The following RNLS variants were observed in gnomAD, a reference collection of about 807,000 sequenced individuals.
RNLS encodes renalase.
A neutral mutation model predicts 39.8 loss-of-function variants in RNLS; 39 were observed. The observed-to-expected ratio is 0.98, with a 90% CI of 0.76 to 1.28. The LOEUF (loss-of-function observed/expected upper bound fraction) is 1.28. RNLS is among the 50% of genes most tolerant of loss of function. The pLI is 0.00. For missense variants in RNLS, 410 were observed against 413.3 expected (o/e 0.99, Z 0.07); for synonymous variants, 147 against 150.7 (o/e 0.98, Z 0.18).
chr10:88,479,125 C>T lies in RNLS; in HGVS notation c.526+93778G>A, dbSNP rs74147208. 1.1e-3 allele frequency among the ~76,000 whole-genome samples: 160 copies of T among 152,268 alleles called. 1 individual carries two copies. Among genetic ancestry groups the T allele is most frequent in the African/African-American group, 3.8e-3 (157 of 41,568 alleles). Reference sequence around the variant, plus strand: ...TATAGAACATTAAATATGTTTCAGTCTTGTTTCTTCTTTGTATATCCTAGC... The same window carrying T: ...TATAGAACATTAAATATGTTTCAGTTTTGTTTCTTCTTTGTATATCCTAGC... On this transcript the variant is annotated intron_variant, in intron 4 of 6. Coordinates refer to ENST00000331772, the MANE Select transcript of RNLS (RefSeq NM_001031709.3).
the RNLS span, among the ~76,000 whole-genome samples, chr10:88,198,799 A>G: frequency 6.6e-6 from 1 of 152,166 alleles, no homozygotes; most frequent in African/African-American, 2.4e-5. Flanking sequence ...CTGTGAGCCA[A>G]TTAAACCTCT....
At chr10:88,369,216 A>C (rs1850354329) in intron 4 of RNLS, among the ~76,000 whole-genome samples, 1 of 152,012 alleles carries the variant, frequency 6.6e-6, no homozygotes, top group Non-Finnish European at 1.5e-5. Flanking sequence ...CTCCCTCCCC[A>C]TGACTCTTCT....
the RNLS span, among the ~76,000 whole-genome samples, chr10:88,253,895 G>A: frequency 1.3e-5 from 2 of 152,228 alleles, no homozygotes; most frequent in South Asian, 4.1e-4. Flanking sequence ...AAAGGCTCAA[G>A]GGTTATTAAT....
At chr10:88,174,705 A>G in the RNLS span, among the ~76,000 whole-genome samples, 2 of 152,094 alleles carry the variant, frequency 1.3e-5, no homozygotes, top group Non-Finnish European at 2.9e-5. Context: ...ATCAGGCATA[A>G]TGGTCTGTTT....
At chr10:88,309,368 A>G (rs1845184278) in intron 6 of RNLS, 2 of 1,262,584 alleles carry the variant, frequency 1.6e-6, no homozygotes, top group Admixed American at 4.6e-5. Flanking sequence ...CAATGCTGAA[A>G]TTAGACACTA....
chr10:88,416,254 TTTTTA>T (rs1355911552), intron 4 of RNLS, among the ~76,000 whole-genome samples: 1 of 150,144 alleles, frequency 6.7e-6, no homozygotes, highest in East Asian at 1.9e-4. Flanking sequence ...TTTTATTTTA[TTTTTA>T]TTTATTTATT....
At position 88,549,264 on chromosome 10, in the gene RNLS, T is replaced by TA. The variant is rs1304720439; in HGVS notation, c.526+23638dup. On this transcript the variant is annotated intron_variant, in intron 4 of 6. Coordinates refer to ENST00000331772, the MANE Select transcript of RNLS (RefSeq NM_001031709.3). Reference sequence around the variant, plus strand: ...TAAAGTAAACTACAAAAAGTAAAACTAAAAAAAAAATATTTTATGGTGGCT... The same window carrying TA: ...TAAAGTAAACTACAAAAAGTAAAACTAAAAAAAAAAATATTTTATGGTGGCT... 2.8e-4 allele frequency among the ~76,000 whole-genome samples: 33 copies of TA among 117,938 alleles called. No homozygotes were observed. In the East Asian group the frequency reaches 5.2e-3, roughly 18 times the overall value. 77.4% of individuals were successfully genotyped at this position (117,938 alleles called of 152,430 possible).
chr10:88,422,929 T>A (rs940731200), intron 4 of RNLS, among the ~76,000 whole-genome samples: 4 of 152,104 alleles, frequency 2.6e-5, no homozygotes, highest in African/African-American at 9.7e-5. Context: ...GGTTTTTAAT[T>A]TTTTTAAAGA....
chr10:88,369,326 G>A (rs912174858), intron 4 of RNLS, among the ~76,000 whole-genome samples: 2 of 152,084 alleles, frequency 1.3e-5, no homozygotes, highest in Non-Finnish European at 1.5e-5. Context: ...AGGGAGACTG[G>A]CCCCTTTATG....
chr10:88,490,664 T>C (rs184454511), intron 4 of RNLS, among the ~76,000 whole-genome samples: 68 of 152,326 alleles, frequency 4.5e-4, no homozygotes, highest in Non-Finnish European at 8.1e-4. Context: ...CATTTTCATG[T>C]GCAGCCAGTT....
At chr10:88,461,070 C>T (rs574144490) in intron 4 of RNLS, among the ~76,000 whole-genome samples, 1 of 152,154 alleles carries the variant, frequency 6.6e-6, no homozygotes, top group South Asian at 2.1e-4. Flanking sequence ...AGAAACTTGC[C>T]CTGACCTCCT....
At position 88,538,904 on chromosome 10, in the gene RNLS, T is replaced by C. The variant is rs1847907492; in HGVS notation, c.526+33999A>G. Among the ~76,000 whole-genome samples the C allele has an allele frequency of 2.0e-5, 3 of 152,166 alleles. No homozygotes were observed. In the South Asian group the frequency reaches 6.2e-4, roughly 32 times the overall value. ...GGAATCACTTCTCCCCAACAGGAGGTGGCCAAATAGGGTGTCTCCCAGATT... is the reference window on the plus strand; with the variant it reads ...GGAATCACTTCTCCCCAACAGGAGGCGGCCAAATAGGGTGTCTCCCAGATT... On this transcript the variant is annotated intron_variant, in intron 4 of 6. Transcript: ENST00000331772.
At chr10:88,418,985 C>T in intron 4 of RNLS, among the ~76,000 whole-genome samples, 1 of 152,178 alleles carries the variant, frequency 6.6e-6, no homozygotes, top group Non-Finnish European at 1.5e-5. Flanking sequence ...CTACTTTCTC[C>T]TGTTCTCTCT....
intron 6 of RNLS, among the ~76,000 whole-genome samples, chr10:88,289,694 G>A (rs1274844681): frequency 6.6e-6 from 1 of 152,084 alleles, no homozygotes; most frequent in Non-Finnish European, 1.5e-5. Flanking sequence ...ATGAAAGTGT[G>A]CAATAAATGT....
chr10:88,511,837 T>A (rs549882142), intron 4 of RNLS, among the ~76,000 whole-genome samples: 1 of 152,220 alleles, frequency 6.6e-6, no homozygotes, highest in Non-Finnish European at 1.5e-5. Context: ...AACAAAGTGA[T>A]AGTCATGCTG....
In RNLS at chr10:88,284,745, T is replaced by C. The variant is rs1041404961; in HGVS notation, c.*609A>G. 1 of 985,412 alleles carries C rather than the reference T, an allele frequency of 1.0e-6. No individual in the cohort carries two copies. Among genetic ancestry groups the C allele is most frequent in the Non-Finnish European group, 1.2e-6 (1 of 829,914 alleles). The allele number at this position is 985,412 out of a possible 1,614,324, so 61.0% of individuals were successfully genotyped here. ...TGGCTGGGAAAATCATGTGGAATCT[T>C]ATACTTTCTGAAAATCTGAAGGAAG... On this transcript the variant is annotated 3_prime_UTR_variant, in exon 7 of 7. Transcript: ENST00000331772.
chr10:88,508,007 G>T (rs1358212838), intron 4 of RNLS, among the ~76,000 whole-genome samples: 1 of 152,154 alleles, frequency 6.6e-6, no homozygotes, highest in East Asian at 1.9e-4. Flanking sequence ...GCTGCAAAAT[G>T]AATCACCATT....
intron 4 of RNLS, among the ~76,000 whole-genome samples, chr10:88,390,770 A>C (rs933662066): frequency 2.0e-5 from 3 of 152,146 alleles, no homozygotes; most frequent in Non-Finnish European, 4.4e-5. Flanking sequence ...TGGGACTGTT[A>C]ACTGACATTC....
intron 4 of RNLS, among the ~76,000 whole-genome samples, chr10:88,416,410 C>T (rs1265643379): frequency 5.9e-5 from 9 of 151,846 alleles, no homozygotes; most frequent in Non-Finnish European, 1.2e-4. Context: ...TGTGCCAACA[C>T]GCCCGGCTAA....
Sources: gnomAD v4.1 joint callset for allele counts (sites outside exome capture counted in the v4.1 genomes callset) on GRCh38, gnomAD v4.1.1 for gene constraint, MANE v1.5 for transcripts, NCBI Gene and HGNC (gene_info 2026-07-23, HGNC 2026-07-21) for gene names.